Variants in SYNCRIP observed in about 807,000 individuals in gnomAD.
SYNCRIP encodes the protein heterogeneous nuclear ribonucleoprotein Q.
Under a neutral mutation model 68.9 loss-of-function variants are expected in SYNCRIP, and 9 were observed. The ratio of observed to expected loss-of-function variants is 0.13; its 90% confidence interval spans 0.08 to 0.23. SYNCRIP has a LOEUF of 0.23. SYNCRIP is among the 10% of genes least tolerant of loss of function. The probability of loss-of-function intolerance (pLI) is 1.00; values close to 1 mark genes in which losing one functional copy is unlikely to be tolerated. For synonymous variants in SYNCRIP, 258 were observed against 254.0 expected (o/e 1.02, Z -0.15); for missense variants, 414 against 770.6 (o/e 0.54, Z 5.48).
intron 4 of SYNCRIP, among the ~76,000 whole-genome samples, chr6:85,639,607 AAAGT>A (rs1808890971): frequency 6.6e-6 from 1 of 152,226 alleles, no homozygotes; most frequent in South Asian, 2.1e-4. Flanking sequence ...ACCAGGTTAA[AAAGT>A]AATACAATCA....
At chr6:85,634,574 G>C (rs1215333282) in intron 6 of SYNCRIP, among the ~76,000 whole-genome samples, 4 of 144,956 alleles carry the variant, frequency 2.8e-5, no homozygotes, top group Admixed American at 2.7e-4. Context: ...TCATACACTG[G>C]TGTGTTGTTT....
chr6:85,627,578 T>C (rs564875113), intron 6 of SYNCRIP, among the ~76,000 whole-genome samples: 2 of 151,886 alleles, frequency 1.3e-5, no homozygotes, highest in Non-Finnish European at 2.9e-5. Context: ...AGTTATATGG[T>C]GAATGGTGTA....
chr6:85,643,363 C>G (rs1296407070), upstream of SYNCRIP: 3 of 152,662 alleles, frequency 2.0e-5, no homozygotes, highest in Non-Finnish European at 4.4e-5. Context: ...GACGCGCGCC[C>G]GCGGGCTCCG....
rs181153144 is a variant in SYNCRIP, at chr6:85,618,016, G to T, written c.1280+802C>A. ...CTACTTGTTTTCTTATTGCACTACT[G>T]TGTTATAATTTTAATACTCATTTCA... On this transcript the variant is annotated intron_variant, in intron 10 of 10. Transcript: ENST00000369622. 9.3e-4 allele frequency among the ~76,000 whole-genome samples: 141 copies of T among 152,180 alleles called. 1 individual carries two copies. The highest frequency in any genetic ancestry group is 1.5e-3 in the Non-Finnish European group (104 of 68,006).
intron 10 of SYNCRIP, 78 bp from the exon 11 acceptor site, chr6:85,615,425 G>A: frequency 1.1e-6 from 1 of 941,664 alleles, no homozygotes; most frequent in East Asian, 2.8e-5. Context: ...ATTTGTAACA[G>A]TTTAAATCCA....
chr6:85,623,918 A>G, intron 7 of SYNCRIP, 59 bp downstream of exon 7: 2 of 1,584,816 alleles, frequency 1.3e-6, no homozygotes, highest in Non-Finnish European at 1.7e-6. Context: ...ACGCACAGAA[A>G]TATGCTATTA....
Position 85,636,716 on chromosome 6 carries a change from G to A in SYNCRIP, c.666+251C>T, listed in dbSNP as rs573256841. On this transcript the variant is annotated intron_variant, in intron 6 of 10. Coordinates refer to ENST00000369622, the MANE Select transcript of SYNCRIP (RefSeq NM_006372.5). ...TAAATTTAAACAAACACACAAAAAC[G>A]TCACTAAGCCAGATGTTTATAAGAA... 3.3e-5 allele frequency among the ~76,000 whole-genome samples: 5 copies of A among 152,024 alleles called. No individual in the cohort carries two copies. In the South Asian group the frequency reaches 6.2e-4, roughly 19 times the overall value.
chr6:85,631,356 G>A (rs1408605138), intron 6 of SYNCRIP, among the ~76,000 whole-genome samples: 7 of 111,226 alleles, frequency 6.3e-5, no homozygotes, highest in Non-Finnish European at 7.4e-5. Flanking sequence ...AAAAAAAAAA[G>A]GCCATGGCTT....
chr6:85,630,896 AT>A (rs1245153854), intron 6 of SYNCRIP, among the ~76,000 whole-genome samples: 2 of 152,226 alleles, frequency 1.3e-5, no homozygotes, highest in African/African-American at 4.8e-5. Context: ...TCCAAGCAAA[AT>A]CTATTTTATC....
chr6:85,613,112 G>GT (rs1244282049), downstream of SYNCRIP, among the ~76,000 whole-genome samples: 2 of 151,458 alleles, frequency 1.3e-5, no homozygotes, highest in East Asian at 3.9e-4. Context: ...GAGGTTTTTG[G>GT]TTGCTTTTTT....
intron 6 of SYNCRIP, among the ~76,000 whole-genome samples, chr6:85,630,535 T>C (rs562382965): frequency 2.0e-5 from 3 of 152,270 alleles, no homozygotes; most frequent in Non-Finnish European, 2.9e-5. Context: ...ACCACACAAA[T>C]ACATAAACAC....
At chr6:85,610,614 CAAGT>C (rs1481014959), downstream of SYNCRIP, 1 of 152,036 alleles carries the variant, frequency 6.6e-6, no homozygotes, top group Non-Finnish European at 1.5e-5. Flanking sequence ...AAAATCCCAA[CAAGT>C]AATTCTGAGA....
intron 6 of SYNCRIP, among the ~76,000 whole-genome samples, 176 bp downstream of exon 6, chr6:85,636,791 C>G (rs748398884): frequency 1.8e-4 from 28 of 152,194 alleles, no homozygotes; most frequent in Middle Eastern, 3.4e-3. Context: ...TGAATCCTAT[C>G]AACTATACAT....
chr6:85,643,469 AG>A (rs1220126340), upstream of SYNCRIP, among the ~76,000 whole-genome samples: 2 of 151,588 alleles, frequency 1.3e-5, no homozygotes, highest in African/African-American at 4.8e-5. Flanking sequence ...GTGGCGGCCG[AG>A]GGGCCGAGAC....
chr6:85,627,746 T>C (rs1807229258), intron 6 of SYNCRIP, among the ~76,000 whole-genome samples: 1 of 152,180 alleles, frequency 6.6e-6, no homozygotes, highest in Non-Finnish European at 1.5e-5. Context: ...TGAATCTTGT[T>C]AGTTGTAAAA....
In SYNCRIP at chr6:85,629,217, T is replaced by C. The variant is rs150601113; in HGVS notation, c.667-5105A>G. Among the ~76,000 whole-genome samples the C allele has an allele frequency of 3.1e-3, 476 of 152,188 alleles. 1 individual carries two copies. The highest frequency in any genetic ancestry group is 4.2e-3 in the Non-Finnish European group (289 of 68,004). On this transcript the variant is annotated intron_variant, in intron 6 of 10. Transcript: ENST00000369622. ...TTCTTCACTGTGCTGCTCAAACCTC[T>C]TTATTGCAAAGCCTTCTCTGACAAC...
intron 2 of SYNCRIP, among the ~76,000 whole-genome samples, chr6:85,640,765 A>G (rs1809041212): frequency 6.6e-6 from 1 of 152,052 alleles, no homozygotes; most frequent in Non-Finnish European, 1.5e-5. Context: ...CACTTACAAT[A>G]ATCAGCTAAC....
chr6:85,619,691 C>G (rs914146430), intron 8 of SYNCRIP, among the ~76,000 whole-genome samples: 14 of 152,088 alleles, frequency 9.2e-5, no homozygotes, highest in African/African-American at 3.1e-4. Context: ...ATTCGGAAAC[C>G]GCAAGTCAAA....
At chr6:85,625,309 A>G (rs893238154) in intron 6 of SYNCRIP, among the ~76,000 whole-genome samples, 1 of 152,058 alleles carries the variant, frequency 6.6e-6, no homozygotes, top group African/African-American at 2.4e-5. Flanking sequence ...AAAAAAAGTA[A>G]AAAGATGACT....
Sources: allele counts gnomAD v4.1 joint callset (sites outside exome capture counted in the v4.1 genomes callset), GRCh38; gene constraint gnomAD v4.1.1; transcripts MANE v1.5; gene names NCBI Gene and HGNC (gene_info 2026-07-23, HGNC 2026-07-21).